ITGA8: variants seen among roughly 807,000 people sequenced by gnomAD.
ITGA8 encodes the protein integrin subunit alpha 8.
ITGA8 carries 91 observed loss-of-function variants against 142.3 expected under a neutral mutation model. That is an observed-to-expected ratio of 0.64 (90% CI 0.54 to 0.76). ITGA8 has a LOEUF of 0.76. Among genes scored for constraint, ITGA8 ranks in the 30% least tolerant of loss-of-function variants. The pLI, the probability that ITGA8 is intolerant of heterozygous loss-of-function variation, is 0.00. For synonymous variants in ITGA8, 505 were observed against 485.2 expected, an observed-to-expected ratio of 1.04 and a Z score of -0.54; for missense variants, 1,406 against 1,327.7, an observed-to-expected ratio of 1.06 and a Z score of -0.92.
At chr10:15,601,897 A>G (rs1174593766) in intron 20 of ITGA8, among the ~76,000 whole-genome samples, 6 of 152,388 alleles carry the variant, frequency 3.9e-5, no homozygotes, top group Admixed American at 6.5e-5. Flanking sequence ...ACAAGGAAGA[A>G]ATTAGAATGT....
intron 13 of ITGA8, among the ~76,000 whole-genome samples, chr10:15,631,563 T>A (rs1205695257): frequency 1.3e-5 from 2 of 151,494 alleles, no homozygotes; most frequent in African/African-American, 4.9e-5. Flanking sequence ...CCGGGTCCTG[T>A]TGAGGGGTGG....
At chr10:15,703,859 C>G (rs1020177054) in intron 2 of ITGA8, among the ~76,000 whole-genome samples, 4 of 151,778 alleles carry the variant, frequency 2.6e-5, no homozygotes, top group African/African-American at 9.7e-5. Context: ...AACACAAAAG[C>G]CCCCCATTGA....
At chr10:15,694,151 A>G (rs1208579865) in intron 2 of ITGA8, among the ~76,000 whole-genome samples, 2 of 145,566 alleles carry the variant, frequency 1.4e-5, no homozygotes, top group Non-Finnish European at 3.0e-5. Flanking sequence ...TATATCATAT[A>G]TCAGATAATA....
At chr10:15,679,449 G>A (rs1278062220) in intron 4 of ITGA8, among the ~76,000 whole-genome samples, 1 of 152,102 alleles carries the variant, frequency 6.6e-6, no homozygotes, top group Non-Finnish European at 1.5e-5. Flanking sequence ...GGGCATGGTG[G>A]TGCATGCCTG....
chr10:15,719,205 C>A (rs1033388603), intron 1 of ITGA8, among the ~76,000 whole-genome samples: 3 of 152,192 alleles, frequency 2.0e-5, no homozygotes, highest in African/African-American at 7.2e-5. Context: ...ACAGCTCTTG[C>A]GCCCAGACGC....
intron 11 of ITGA8, among the ~76,000 whole-genome samples, chr10:15,648,661 G>T (rs1046106303): frequency 6.6e-6 from 1 of 151,930 alleles, no homozygotes; most frequent in African/African-American, 2.4e-5. Context: ...GATGAGGTGG[G>T]AACAGTTACT....
At chr10:15,634,362 TA>T (rs1378240895) in intron 13 of ITGA8, among the ~76,000 whole-genome samples, 1 of 152,116 alleles carries the variant, frequency 6.6e-6, no homozygotes, top group Non-Finnish European at 1.5e-5. Context: ...TTAACTGATT[TA>T]TACATATTAT....
At chr10:15,632,068 A>G (rs1446986959) in intron 13 of ITGA8, among the ~76,000 whole-genome samples, 1 of 152,018 alleles carries the variant, frequency 6.6e-6, no homozygotes, top group African/African-American at 2.4e-5. Context: ...GCTTTGGGAC[A>G]GAATCTGGAT....
intron 28 of ITGA8, 130 bp from the exon 29 acceptor site, chr10:15,519,542 T>C: frequency 6.2e-6 from 6 of 964,690 alleles, no homozygotes; most frequent in Non-Finnish European, 9.7e-6. Context: ...ATCTAGGGGA[T>C]ATTTGAGAGG....
intron 2 of ITGA8, among the ~76,000 whole-genome samples, chr10:15,716,955 C>A (rs917366685): frequency 6.6e-6 from 1 of 152,168 alleles, no homozygotes; most frequent in Non-Finnish European, 1.5e-5. Context: ...AGCCACCACG[C>A]CTGGCCTACC....
rs116410748 is a variant in ITGA8 at position 15,556,948 on chromosome 10, A to G, written c.2766+1126T>C. Among the ~76,000 whole-genome samples, 690 of 152,334 alleles carry G rather than the reference A, an allele frequency of 4.5e-3. 6 individuals are homozygous for G. Among genetic ancestry groups the G allele is most frequent in the African/African-American group, 0.016 (656 of 41,578 alleles). On this transcript the variant is annotated intron_variant, in intron 26 of 29. Transcript: ENST00000378076. ...ATGCAGCTTCCTACTTTTTATGGACATGGTCTACAGAGCACAGATAAACCC... is the reference window on the plus strand; with the variant it reads ...ATGCAGCTTCCTACTTTTTATGGACGTGGTCTACAGAGCACAGATAAACCC...
chr10:15,593,605 A>G (rs966681206), intron 21 of ITGA8, among the ~76,000 whole-genome samples: 2 of 152,256 alleles, frequency 1.3e-5, no homozygotes, highest in Non-Finnish European at 2.9e-5. Context: ...ATCAGTAATA[A>G]TATGAACGAA....
chr10:15,598,329 T>G (rs1833042674), intron 20 of ITGA8, among the ~76,000 whole-genome samples: 1 of 152,190 alleles, frequency 6.6e-6, no homozygotes, highest in Admixed American at 6.5e-5. Flanking sequence ...TATTGAAATT[T>G]TATTTTATTT....
intron 11 of ITGA8, among the ~76,000 whole-genome samples, chr10:15,651,444 C>T (rs531594112): frequency 3.3e-5 from 5 of 152,080 alleles, no homozygotes; most frequent in Non-Finnish European, 7.4e-5. Context: ...TGTTTGCAGT[C>T]CACTCAATCG....
rs534714654 is a variant in ITGA8, at chr10:15,657,509, C to CTTTTTTTT, written c.948+1489_948+1490insAAAAAAAA. Among the ~76,000 whole-genome samples the CTTTTTTTT allele has an allele frequency of 5.3e-4, 62 of 116,496 alleles. 3 individuals carry two copies. Among genetic ancestry groups the CTTTTTTTT allele is most frequent in the African/African-American group, 1.0e-3 (32 of 31,368 alleles). The allele number at this position is 116,496 out of a possible 152,430, so 76.4% of individuals were successfully genotyped here. A position where few individuals can be genotyped will look rare whatever the true frequency, so the allele number is the denominator to read the frequency against. ...CTGCTGGTTTCTTTTTCTTTTCTTT[C>CTTTTTTTT]ATTTTTTTTTTTTTTTTTTTTTAAC... On this transcript the variant is annotated intron_variant, in intron 10 of 29. Coordinates refer to ENST00000378076, the MANE Select transcript of ITGA8 (RefSeq NM_003638.3).
chr10:15,575,349 C>T, intron 24 of ITGA8, 140 bp downstream of exon 24: 1 of 632,888 alleles, frequency 1.6e-6, no homozygotes, highest in Non-Finnish European at 2.9e-6. Context: ...GTGATTGCAC[C>T]ACTGCACTCC....
At chr10:15,612,958 C>T (rs903499666) in intron 15 of ITGA8, among the ~76,000 whole-genome samples, 6 of 152,142 alleles carry the variant, frequency 3.9e-5, no homozygotes, top group African/African-American at 9.7e-5. Context: ...GTCAGGAGTT[C>T]GAGACCAGCC....
chr10:15,670,182 A>T (rs930990911), intron 8 of ITGA8, among the ~76,000 whole-genome samples: 2 of 152,234 alleles, frequency 1.3e-5, no homozygotes, highest in Non-Finnish European at 2.9e-5. Flanking sequence ...GCATTAGTGA[A>T]ATGCAGTCAG....
rs1454837872 is a variant in ITGA8, at chr10:15,584,451, T to C, written c.2372+2133A>G. ...AAGTTAAACCTTCAGTAAGGTACCA[T>C]TTCTTGTCCACCAGACTGGCTCAAA... On this transcript the variant is annotated intron_variant, in intron 23 of 29. Transcript: ENST00000378076. 2.6e-5 allele frequency among the ~76,000 whole-genome samples: 4 copies of C among 152,224 alleles called. No individual in the cohort carries two copies. In the East Asian group the frequency reaches 7.7e-4, roughly 29 times the overall value.
Sources: allele counts gnomAD v4.1 joint callset (sites outside exome capture counted in the v4.1 genomes callset), GRCh38; gene constraint gnomAD v4.1.1; transcripts MANE v1.5; gene names NCBI Gene and HGNC (gene_info 2026-07-23, HGNC 2026-07-21).